The following PARD3 variants were observed in gnomAD, a reference collection of about 807,000 sequenced individuals.
PARD3 encodes partitioning defective 3 homolog.
Under a neutral mutation model 155.4 loss-of-function variants are expected in PARD3, and 75 were observed. That is an observed-to-expected ratio of 0.48 (90% CI 0.40 to 0.58). The LOEUF (loss-of-function observed/expected upper bound fraction) is 0.58, where lower values mean the gene tolerates loss of function less well. Among genes scored for constraint, PARD3 ranks in the 20% least tolerant of loss-of-function variants. PARD3 has a pLI of 0.00. For synonymous variants in PARD3, 576 were observed against 610.5 expected (o/e 0.94, Z 0.83); for missense variants, 1,642 against 1,721.7 (o/e 0.95, Z 0.82).
chr10:34,428,211 C>T lies in PARD3; in HGVS notation c.714+22106G>A, dbSNP rs530638027. The stretch of plus-strand genomic sequence containing the variant: ...GAAGAATCTCTCCCAATTCCCCTGA[C>T]TCTAGTGATAATAAAAATTTTAAAG... On this transcript the variant is annotated intron_variant, in intron 5 of 24. Transcript: ENST00000374788. 3.3e-5 allele frequency among the ~76,000 whole-genome samples: 5 copies of T among 152,324 alleles called. No individual in the cohort carries two copies. The South Asian group carries it at 8.3e-4, about 25-fold the overall frequency.
At chr10:34,587,790 T>C (rs1564384286) in intron 2 of PARD3, among the ~76,000 whole-genome samples, 1 of 152,156 alleles carries the variant, frequency 6.6e-6, no homozygotes, top group Non-Finnish European at 1.5e-5. Context: ...AAGGATTTCA[T>C]CACTGGCCAA....
chr10:34,364,855 G>A (rs1234736369), intron 12 of PARD3, among the ~76,000 whole-genome samples: 1 of 152,148 alleles, frequency 6.6e-6, no homozygotes, highest in African/African-American at 2.4e-5. Flanking sequence ...AAAGAAAGAT[G>A]AGCAAACCAA....
chr10:34,720,378 G>A (rs934271504), intron 1 of PARD3, among the ~76,000 whole-genome samples: 14 of 145,338 alleles, frequency 9.6e-5, no homozygotes, highest in African/African-American at 3.6e-4. Context: ...TTGAAACCAG[G>A]AGGTAGAGGT....
chr10:34,462,429 G>A (rs1435527913), intron 4 of PARD3, among the ~76,000 whole-genome samples: 2 of 151,658 alleles, frequency 1.3e-5, no homozygotes, highest in African/African-American at 4.8e-5. Context: ...GAACATAAAG[G>A]GAAAAAAATA....
intron 22 of PARD3, among the ~76,000 whole-genome samples, chr10:34,179,444 G>GA (rs1336568671): frequency 6.6e-6 from 1 of 152,104 alleles, no homozygotes; most frequent in East Asian, 1.9e-4. Context: ...TTCAGTGGAG[G>GA]AAAAGCACAG....
chr10:34,575,896 C>CA (rs1263997074), intron 2 of PARD3, among the ~76,000 whole-genome samples: 18 of 149,794 alleles, frequency 1.2e-4, no homozygotes, highest in South Asian at 4.2e-4. Flanking sequence ...AACTCCGTCT[C>CA]AAAAAAAAAG....
chr10:34,602,633 C>G (rs750141750), intron 2 of PARD3, among the ~76,000 whole-genome samples: 14 of 152,164 alleles, frequency 9.2e-5, no homozygotes, highest in Non-Finnish European at 1.8e-4. Context: ...ACAGATGAAT[C>G]TCACAGATGT....
chr10:34,475,545 T>C (rs911772358), intron 3 of PARD3, among the ~76,000 whole-genome samples: 1 of 152,226 alleles, frequency 6.6e-6, no homozygotes, highest in South Asian at 2.1e-4. Context: ...CTTTGTTACA[T>C]TAAAATCTAT....
intron 2 of PARD3, among the ~76,000 whole-genome samples, chr10:34,548,452 T>A (rs563303286): frequency 6.6e-6 from 1 of 152,066 alleles, no homozygotes; most frequent in African/African-American, 2.4e-5. Flanking sequence ...TGAGCCAAGA[T>A]TGCACCACTG....
chr10:34,626,486 A>G (rs2091986213), intron 2 of PARD3, among the ~76,000 whole-genome samples: 1 of 152,208 alleles, frequency 6.6e-6, no homozygotes, highest in Admixed American at 6.5e-5. Context: ...AAGGGATGGA[A>G]AGGAAGACAA....
intron 1 of PARD3, among the ~76,000 whole-genome samples, chr10:34,709,011 C>T (rs921668092): frequency 2.0e-5 from 3 of 152,042 alleles, no homozygotes; most frequent in Admixed American, 6.6e-5. Flanking sequence ...AAAATACACA[C>T]GTACACATAT....
At chr10:34,403,187 G>T (rs1844083172) in intron 5 of PARD3, among the ~76,000 whole-genome samples, 1 of 152,086 alleles carries the variant, frequency 6.6e-6, no homozygotes, top group Non-Finnish European at 1.5e-5. Flanking sequence ...GTTTCTTAGA[G>T]GTTTATATGT....
intron 1 of PARD3, among the ~76,000 whole-genome samples, chr10:34,771,465 CCAT>C (rs1368231944): frequency 6.6e-6 from 1 of 152,224 alleles, no homozygotes; most frequent in African/African-American, 2.4e-5. Flanking sequence ...GTTATTATCA[CCAT>C]CATCAAGATC....
chr10:34,312,426 G>C, intron 20 of PARD3: 2 of 1,602,060 alleles, frequency 1.2e-6, no homozygotes, highest in African/African-American at 1.3e-5. Flanking sequence ...GTACAGGTGA[G>C]GAAAGCAACA....
intron 18 of PARD3, among the ~76,000 whole-genome samples, chr10:34,333,080 G>C (rs1835788502): frequency 6.6e-6 from 1 of 151,988 alleles, no homozygotes; most frequent in Non-Finnish European, 1.5e-5. Flanking sequence ...GCTATATTTG[G>C]CTTCCATACA....
chr10:34,332,366 G>A (rs1031971248), intron 18 of PARD3, among the ~76,000 whole-genome samples: 2 of 151,954 alleles, frequency 1.3e-5, no homozygotes, highest in African/African-American at 4.8e-5. Context: ...CCACCACCTG[G>A]GCAATCCAGG....
intron 22 of PARD3, among the ~76,000 whole-genome samples, chr10:34,192,525 T>C (rs1318819645): frequency 6.6e-6 from 1 of 152,196 alleles, no homozygotes; most frequent in Non-Finnish European, 1.5e-5. Context: ...TGTTGCTTAA[T>C]GCTTCGTAAA....
At chr10:34,383,267 T>C (rs532595393) in intron 8 of PARD3, among the ~76,000 whole-genome samples, 40 of 152,256 alleles carry the variant, frequency 2.6e-4, no homozygotes, top group Non-Finnish European at 3.8e-4. Context: ...CTCTACAACA[T>C]TGTCTAATAC....
intron 22 of PARD3, among the ~76,000 whole-genome samples, chr10:34,220,432 T>A (rs1952218278): frequency 6.6e-6 from 1 of 152,196 alleles, no homozygotes; most frequent in Admixed American, 6.5e-5. Flanking sequence ...TTTCTCTACT[T>A]GGATCGCACC....
Sources: allele counts gnomAD v4.1 joint callset (sites outside exome capture counted in the v4.1 genomes callset), GRCh38; gene constraint gnomAD v4.1.1; transcripts MANE v1.5; gene names NCBI Gene and HGNC (gene_info 2026-07-23, HGNC 2026-07-21).